NDE1: variants seen among roughly 807,000 people sequenced by gnomAD.
NDE1 encodes the protein nuclear distribution protein nudE homolog 1.
NDE1 carries 28 observed loss-of-function variants against 43.4 expected under a neutral mutation model. That is an observed-to-expected ratio of 0.65 (90% CI 0.48 to 0.89). The LOEUF (loss-of-function observed/expected upper bound fraction) is 0.89. Ranked by LOEUF, NDE1 falls within the 40% of genes least tolerant of loss-of-function variation. The pLI, the probability that NDE1 is intolerant of heterozygous loss-of-function variation, is 0.00. For synonymous variants in NDE1, 184 were observed against 172.0 expected (o/e 1.07, Z -0.55); for missense variants, 441 against 434.1 (o/e 1.02, Z -0.14).
chr16:15,655,580 AGG>A (rs2036720025), intron 1 of NDE1, among the ~76,000 whole-genome samples: 2 of 152,336 alleles, frequency 1.3e-5, no homozygotes, highest in South Asian at 4.1e-4. Context: ...GTGATTCCTC[AGG>A]GATCTAGAAC....
intron 8 of NDE1, chr16:15,697,205 G>C: frequency 2.6e-6 from 1 of 378,732 alleles, no homozygotes; most frequent in Non-Finnish European, 3.6e-6. Context: ...ACCGTGCTCG[G>C]CTAATTTTTT....
At chr16:15,705,968 G>C (rs1371432617) in intron 8 of NDE1, among the ~76,000 whole-genome samples, 2 of 88,510 alleles carry the variant, frequency 2.3e-5, no homozygotes, top group African/African-American at 7.1e-5. Flanking sequence ...CTAGGCGACA[G>C]GGTGAGACTC....
chr16:15,674,714 T>C (rs1423681384), intron 3 of NDE1, among the ~76,000 whole-genome samples: 1 of 152,118 alleles, frequency 6.6e-6, no homozygotes. Flanking sequence ...AGATTCCTTT[T>C]TTTTTGCTTT....
chr16:15,694,584 G>C, intron 7 of NDE1: 1 of 966,322 alleles, frequency 1.0e-6, no homozygotes, highest in South Asian at 4.8e-5. Flanking sequence ...CTGGCCTCAA[G>C]TGATCCTCCC....
intron 8 of NDE1, among the ~76,000 whole-genome samples, chr16:15,712,161 G>A (rs1475318277): frequency 6.6e-6 from 1 of 152,222 alleles, no homozygotes; most frequent in African/African-American, 2.4e-5. Flanking sequence ...GGGGTGAAGA[G>A]TTTCAGTCAG....
In NDE1 at chr16:15,715,227, C is replaced by T. The variant is rs1331102826; in HGVS notation, c.948-8964C>T. 1 of 1,614,054 alleles carries T rather than the reference C, an allele frequency of 6.2e-7. No homozygotes were observed. The highest frequency in any genetic ancestry group is 8.5e-7 in the Non-Finnish European group (1 of 1,180,050). On this transcript the variant is annotated intron_variant, in intron 8 of 8. Coordinates refer to ENST00000396354, the MANE Select transcript of NDE1 (RefSeq NM_017668.3). ...CCACCTGCAGCAAGATTTCCTTCAG[C>T]TTCTTGTCTTTCTGCTTCAGCGACT...
In NDE1 at chr16:15,724,372, C is replaced by A. The variant is rs2040640042; in HGVS notation, c.*121C>A. On this transcript the variant is annotated 3_prime_UTR_variant, in exon 9 of 9. Transcript: ENST00000396354. ...CCCCTCTTCCAGAGCTTCCACGGTG[C>A]TGGCAAAGTCCTGCAGCTTCTTCTT... 6.2e-7 allele frequency: 1 copy of A among 1,614,116 alleles called. No individual in the cohort carries two copies. The highest frequency in any genetic ancestry group is 8.5e-7 in the Non-Finnish European group (1 of 1,180,040).
In NDE1 at chr16:15,677,723, C is replaced by T. The variant is rs183897477; in HGVS notation, c.238-78C>T. On this transcript the variant is annotated intron_variant, in intron 3 of 8. Transcript: ENST00000396354. ...TTTAGCCTCCCGAGTAGCTGTGACTCCAGGTGGATGTGTGCTACTGTGTCT... is the reference window on the plus strand; with the variant it reads ...TTTAGCCTCCCGAGTAGCTGTGACTTCAGGTGGATGTGTGCTACTGTGTCT... The T allele has an allele frequency of 1.5e-3, 2,329 of 1,540,218 alleles. 23 individuals are homozygous for T. The highest frequency in any genetic ancestry group is 0.012 in the South Asian group (1,083 of 88,464).
chr16:15,681,162 A>T lies in NDE1; in HGVS notation c.386+3213A>T, dbSNP rs527698548. On this transcript the variant is annotated intron_variant, in intron 4 of 8. Coordinates refer to ENST00000396354, the MANE Select transcript of NDE1 (RefSeq NM_017668.3). The stretch of plus-strand genomic sequence containing the variant: ...TTATTCCTTAGTCTGCAATGAATTT[A>T]TTTTTGTATCTAGTATAAGATACAA... 1.3e-3 allele frequency among the ~76,000 whole-genome samples: 132 copies of T among 103,692 alleles called. 1 individual carries two copies. Among genetic ancestry groups the T allele is most frequent in the South Asian group, 1.9e-3 (6 of 3,156 alleles). The allele number at this position is 103,692 out of a possible 152,430, so 68.0% of individuals were successfully genotyped here.
chr16:15,681,797 C>T (rs2038196856), intron 4 of NDE1, among the ~76,000 whole-genome samples: 1 of 152,046 alleles, frequency 6.6e-6, no homozygotes, highest in African/African-American at 2.4e-5. Flanking sequence ...ACTGCAACCT[C>T]CACCCTCCCA....
upstream of NDE1, among the ~76,000 whole-genome samples, chr16:15,646,254 A>G (rs1053604511): frequency 6.6e-6 from 1 of 152,208 alleles, no homozygotes; most frequent in African/African-American, 2.4e-5. Context: ...CCTGTCCAGA[A>G]ACGTCACAGA....
At chr16:15,719,274 G>T in intron 8 of NDE1, 2 of 1,612,874 alleles carry the variant, frequency 1.2e-6, no homozygotes, top group Non-Finnish European at 1.7e-6. Context: ...CTCGAGGTCC[G>T]CTTGTTTGCG....
At chr16:15,681,385 C>T (rs1373181998) in intron 4 of NDE1, among the ~76,000 whole-genome samples, 2 of 149,688 alleles carry the variant, frequency 1.3e-5, no homozygotes, top group Admixed American at 6.8e-5. Flanking sequence ...CCACCTCAGC[C>T]TCCTGAGTGT....
chr16:15,672,885 A>C (rs1319636230), intron 3 of NDE1: 1 of 152,198 alleles, frequency 6.6e-6, no homozygotes, highest in Non-Finnish European at 1.5e-5. Flanking sequence ...CTGGGTGCAG[A>C]TACTTCTCTG....
At chr16:15,691,750 C>T (rs1396080474) in intron 6 of NDE1, among the ~76,000 whole-genome samples, 1 of 151,004 alleles carries the variant, frequency 6.6e-6, no homozygotes, top group East Asian at 2.0e-4. Flanking sequence ...AAGTGATTCT[C>T]CCACCTCATC....
chr16:15,663,781 A>G (rs1567623781), intron 1 of NDE1, among the ~76,000 whole-genome samples: 1 of 151,654 alleles, frequency 6.6e-6, no homozygotes, highest in African/African-American at 2.4e-5. Context: ...CATAATTTAC[A>G]TGGGGTTGGG....
At position 15,696,725 on chromosome 16, in the gene NDE1, T is replaced by A; in HGVS notation, c.812T>A (p.Leu271His). 6.2e-7 allele frequency: 1 copy of A among 1,614,204 alleles called. No homozygotes were observed. The highest frequency in any genetic ancestry group is 8.5e-7 in the Non-Finnish European group (1 of 1,180,030). Residue 271 changes from leucine (L) to histidine (H), a missense_variant, in exon 8 of 9, where the codon CTC becomes CAC. Coordinates refer to ENST00000396354, the MANE Select transcript of NDE1 (RefSeq NM_017668.3). ...LRKVGALESK[L>H]ASCRNLVYDQ... The stretch of plus-strand genomic sequence containing the variant: ...TCTGTCCAGGCACTGGAGTCCAAAC[T>A]CGCTTCCTGCCGGAACCTCGTGTAC...
Position 15,724,190 on chromosome 16 carries a change from G to C in NDE1, c.948-1G>C, listed in dbSNP as rs1275367249. Reference sequence around the variant, plus strand: ...TCAAATTTCCTCTGCTTCTTTTCCAGGTTGGACACGAGTTGCCGCTGGTTG... The same window carrying C: ...TCAAATTTCCTCTGCTTCTTTTCCACGTTGGACACGAGTTGCCGCTGGTTG... On this transcript the variant is annotated splice_acceptor_variant, in intron 8 of 8. Transcript: ENST00000396354. LOFTEE classifies it high-confidence loss of function. The C allele has an allele frequency of 2.5e-6, 4 of 1,613,908 alleles. No homozygotes were observed. Among genetic ancestry groups the C allele is most frequent in the African/African-American group, 2.7e-5 (2 of 74,918 alleles).
chr16:15,655,251 C>A (rs2036703450), intron 1 of NDE1, among the ~76,000 whole-genome samples: 1 of 152,230 alleles, frequency 6.6e-6, no homozygotes, highest in South Asian at 2.1e-4. Flanking sequence ...CCCCTGGGCT[C>A]AAGCAATCCA....
Sources: allele counts gnomAD v4.1 joint callset (sites outside exome capture counted in the v4.1 genomes callset), GRCh38; gene constraint gnomAD v4.1.1; transcripts MANE v1.5; gene names NCBI Gene and HGNC (gene_info 2026-07-23, HGNC 2026-07-21).